Variants in DTNA observed in about 807,000 individuals in gnomAD.
DTNA encodes dystrophin-related protein 3.
Under a neutral mutation model 100.7 loss-of-function variants are expected in DTNA, and 43 were observed. That is an observed-to-expected ratio of 0.43 (90% CI 0.33 to 0.55). DTNA has a LOEUF of 0.55. Ranked by LOEUF, DTNA falls within the 20% of genes least tolerant of loss-of-function variation. The pLI is 0.04. For missense variants in DTNA, 798 were observed against 953.9 expected (o/e 0.84, Z 2.15); for synonymous variants, 349 against 347.9 (o/e 1.00, Z -0.04).
intron 3 of DTNA, 124 bp downstream of exon 3, chr18:34,766,165 C>T: frequency 3.5e-6 from 4 of 1,136,612 alleles, no homozygotes. Context: ...GTTTACACAA[C>T]AATAAAAGGG....
intron 7 of DTNA, 53 bp from the exon 8 acceptor site, chr18:34,818,110 CT>C (rs2095635798): frequency 6.2e-7 from 1 of 1,613,068 alleles, no homozygotes; most frequent in South Asian, 1.1e-5. Context: ...ATTTTTCCTT[CT>C]TCTGGTTCAT....
At chr18:34,661,980 G>A (rs937670852) in intron 1 of DTNA, among the ~76,000 whole-genome samples, 1 of 152,124 alleles carries the variant, frequency 6.6e-6, no homozygotes, top group African/African-American at 2.4e-5. Context: ...GCGCCTCTGT[G>A]TGGCAGTCAG....
chr18:34,712,107 A>G (rs561833194), intron 1 of DTNA, among the ~76,000 whole-genome samples: 1 of 152,256 alleles, frequency 6.6e-6, no homozygotes, highest in East Asian at 1.9e-4. Context: ...TGAGGTAGAA[A>G]GTGTTATGTT....
At chr18:34,790,127 C>T (rs2094653081) in intron 3 of DTNA, among the ~76,000 whole-genome samples, 1 of 152,202 alleles carries the variant, frequency 6.6e-6, no homozygotes, top group South Asian at 2.1e-4. Flanking sequence ...GTCATTCTCT[C>T]ATTTAGTCAA....
chr18:34,496,084 CACACTT>C (rs2039161401), intron 1 of DTNA, among the ~76,000 whole-genome samples: 1 of 151,994 alleles, frequency 6.6e-6, no homozygotes, highest in Admixed American at 6.6e-5. Context: ...ATTTCAAACT[CACACTT>C]ACTCAACATT....
Position 34,863,957 on chromosome 18 carries a change from C to G in DTNA, c.1647-9C>G. 6.2e-7 allele frequency: 1 copy of G among 1,605,738 alleles called. No homozygotes were observed. The highest frequency in any genetic ancestry group is 8.5e-7 in the Non-Finnish European group (1 of 1,175,576). Reference sequence around the variant, plus strand: ...ATGCCGCTTCTGATGTCAGCTGCTTCTTTCTTAGACAGCGCAAAGATGAGC... The same window carrying G: ...ATGCCGCTTCTGATGTCAGCTGCTTGTTTCTTAGACAGCGCAAAGATGAGC... On this transcript the variant is annotated splice_polypyrimidine_tract_variant and intron_variant, in intron 16 of 22. Transcript: ENST00000444659.
chr18:34,664,542 A>G (rs920226986), intron 1 of DTNA, among the ~76,000 whole-genome samples: 2 of 152,132 alleles, frequency 1.3e-5, no homozygotes, highest in African/African-American at 4.8e-5. Flanking sequence ...TGGGTTATAC[A>G]ATGTCCATAT....
At chr18:34,727,402 A>G (rs2086957892) in intron 1 of DTNA, among the ~76,000 whole-genome samples, 1 of 152,208 alleles carries the variant, frequency 6.6e-6, no homozygotes, top group Admixed American at 6.5e-5. Context: ...ATTTATAAAC[A>G]AGGATACTGA....
chr18:34,629,308 C>T (rs2057762668), intron 1 of DTNA, among the ~76,000 whole-genome samples: 1 of 152,160 alleles, frequency 6.6e-6, no homozygotes, highest in Non-Finnish European at 1.5e-5. Context: ...GCAATACTTA[C>T]CAAAGTGTTC....
intron 1 of DTNA, among the ~76,000 whole-genome samples, chr18:34,753,465 C>T (rs1489235121): frequency 2.8e-5 from 4 of 141,662 alleles, no homozygotes; most frequent in Admixed American, 1.4e-4. Context: ...TCACTGCAAG[C>T]TCCGCCTCCC....
At chr18:34,828,915 A>G in intron 10 of DTNA, 1 of 1,053,244 alleles carries the variant, frequency 9.5e-7, no homozygotes, top group Admixed American at 1.8e-5. Context: ...AGGTCTGTGC[A>G]TCTATCTAGG....
At chr18:34,583,941 T>G (rs749701758) in intron 1 of DTNA, among the ~76,000 whole-genome samples, 15 of 152,148 alleles carry the variant, frequency 9.9e-5, no homozygotes. Flanking sequence ...CTTAGCATTA[T>G]TGGGGACAGT....
intron 15 of DTNA, among the ~76,000 whole-genome samples, chr18:34,855,008 A>C (rs1469195043): frequency 6.6e-6 from 1 of 152,184 alleles, no homozygotes; most frequent in African/African-American, 2.4e-5. Context: ...AACATGACCC[A>C]CTTCACCATC....
chr18:34,836,419 G>A (rs1175602825), intron 11 of DTNA, among the ~76,000 whole-genome samples: 28 of 152,106 alleles, frequency 1.8e-4, no homozygotes, highest in Admixed American at 1.4e-3. Flanking sequence ...TTGGGAGGCC[G>A]AGGGGGGCAG....
chr18:34,687,178 T>C (rs919049896), intron 1 of DTNA, among the ~76,000 whole-genome samples: 4 of 152,198 alleles, frequency 2.6e-5, no homozygotes, highest in African/African-American at 7.2e-5. Context: ...TCTTGTCTTC[T>C]GCTAACTTTT....
At chr18:34,756,246 ACTGT>A (rs1253461840) in intron 2 of DTNA, among the ~76,000 whole-genome samples, 2 of 152,302 alleles carry the variant, frequency 1.3e-5, no homozygotes, top group South Asian at 2.1e-4. Flanking sequence ...TTGCTATTAG[ACTGT>A]CTATTTTATG....
rs749035675 is a variant in DTNA, at chr18:34,818,156, C to G, written c.710-8C>G. The G allele has an allele frequency of 1.9e-6, 3 of 1,613,858 alleles. No individual in the cohort carries two copies. Among genetic ancestry groups the G allele is most frequent in the Non-Finnish European group, 2.5e-6 (3 of 1,179,866 alleles). On this transcript the variant is annotated splice_region_variant and splice_polypyrimidine_tract_variant and intron_variant, in intron 7 of 22. Coordinates refer to ENST00000444659, the MANE Select transcript of DTNA (RefSeq NM_001386795.1). ...TTCTTGGTTTTTCTTCACTTACTTC[C>G]CCCTTAGTCTTCCATCCGGTTGAGT... is the stretch of plus-strand genomic sequence containing the variant.
chr18:34,687,993 G>A (rs1156841087), intron 1 of DTNA, among the ~76,000 whole-genome samples: 2 of 151,480 alleles, frequency 1.3e-5, no homozygotes, highest in African/African-American at 2.4e-5. Context: ...CTGTTTGCTT[G>A]ATAAGTCTTC....
intron 1 of DTNA, among the ~76,000 whole-genome samples, chr18:34,621,369 C>T (rs778049740): frequency 5.9e-5 from 9 of 151,866 alleles, no homozygotes; most frequent in Non-Finnish European, 1.2e-4. Flanking sequence ...AGAGCTGGTC[C>T]ACTCCCACGT....
Sources: allele counts gnomAD v4.1 joint callset (sites outside exome capture counted in the v4.1 genomes callset), GRCh38; gene constraint gnomAD v4.1.1; transcripts MANE v1.5; gene names NCBI Gene and HGNC (gene_info 2026-07-23, HGNC 2026-07-21).